HAUS3: variants seen among roughly 807,000 people sequenced by gnomAD.
HAUS3 encodes the protein HAUS augmin-like complex subunit 3.
HAUS3 carries 36 observed loss-of-function variants against 55.2 expected under a neutral mutation model. The observed-to-expected ratio is 0.65, with a 90% CI of 0.50 to 0.86. The LOEUF (loss-of-function observed/expected upper bound fraction) is 0.86. Among genes scored for constraint, HAUS3 ranks in the 40% least tolerant of loss-of-function variants. The pLI, the probability that HAUS3 is intolerant of heterozygous loss-of-function variation, is 0.00. For missense variants in HAUS3, 752 were observed against 671.5 expected, an observed-to-expected ratio of 1.12 and a Z score of -1.33; for synonymous variants, 234 against 238.6, an observed-to-expected ratio of 0.98 and a Z score of 0.18.
In HAUS3 at chr4:2,229,060, A is replaced by C; in HGVS notation, c.*2867T>G. 6.5e-7 allele frequency: 1 copy of C among 1,537,120 alleles called. No homozygotes were observed. The highest frequency in any genetic ancestry group is 8.9e-7 in the Non-Finnish European group (1 of 1,125,418). On this transcript the variant is annotated 3_prime_UTR_variant, in exon 6 of 6. Coordinates refer to ENST00000443786, the MANE Select transcript of HAUS3 (RefSeq NM_001303143.2). ...TAGTCTTTAGAACAATTAACATTCA[A>C]AGTATCAAGAGAAAGAAAGGTTCAT... is the stretch of plus-strand genomic sequence containing the variant.
chr4:2,237,661 T>C (rs1484978777), intron 4 of HAUS3, among the ~76,000 whole-genome samples: 1 of 152,202 alleles, frequency 6.6e-6, no homozygotes. Flanking sequence ...TCTTAACTAC[T>C]ACACATCTTA....
At position 2,229,309 on chromosome 4, in the gene HAUS3, C is replaced by T; in HGVS notation, c.*2618G>A. 1 of 1,268,672 alleles carries T rather than the reference C, an allele frequency of 7.9e-7. No individual in the cohort carries two copies. The highest frequency in any genetic ancestry group is 1.1e-6 in the Non-Finnish European group (1 of 940,932). The allele number at this position is 1,268,672 out of a possible 1,614,324, so 78.6% of individuals were successfully genotyped here. ...TCCTAAGACTATAAAACAGGAAATA[C>T]AATTATTTTCAAAAATTTATATACC... On this transcript the variant is annotated 3_prime_UTR_variant, in exon 6 of 6. Transcript: ENST00000443786.
In HAUS3 at chr4:2,242,073, T is replaced by C. The variant is rs1577807733; in HGVS notation, c.-441A>G. ...CACCTCAGGAAGTTCCGCTTGCTTC[T>C]CGCAGGAGCCCGCCGCCACCGCCCT... On this transcript the variant is annotated 5_prime_UTR_variant, in exon 1 of 6. Coordinates refer to ENST00000443786, the MANE Select transcript of HAUS3 (RefSeq NM_001303143.2). 1.0e-6 allele frequency: 1 copy of C among 985,760 alleles called. No individual in the cohort carries two copies. The highest frequency in any genetic ancestry group is 4.7e-5 in the South Asian group (1 of 21,332). The allele number at this position is 985,760 out of a possible 1,614,324, so 61.1% of individuals were successfully genotyped here.
Position 2,229,043 on chromosome 4 carries a change from A to G in HAUS3, c.*2884T>C. ...ATTCCATTTTCAATTCTTAGTCTTT[A>G]GAACAATTAACATTCAAAGTATCAA... On this transcript the variant is annotated 3_prime_UTR_variant, in exon 6 of 6. Coordinates refer to ENST00000443786, the MANE Select transcript of HAUS3 (RefSeq NM_001303143.2). 6.7e-7 allele frequency: 1 copy of G among 1,494,234 alleles called. No homozygotes were observed. The highest frequency in any genetic ancestry group is 2.3e-5 in the East Asian group (1 of 43,728). 92.6% of individuals were successfully genotyped at this position (1,494,234 alleles called of 1,614,324 possible).
intron 1 of HAUS3, 124 bp from the exon 2 acceptor site, chr4:2,241,914 C>T (rs754958122): frequency 4.1e-6 from 4 of 985,390 alleles, no homozygotes; most frequent in Non-Finnish European, 4.8e-6. Flanking sequence ...CCCTGATCCC[C>T]GGGCAGCTGC....
rs1047890246 is a variant in HAUS3 at position 2,231,867 on chromosome 4, TAC to T, written c.*58_*59del. 5 of 747,228 alleles carry T rather than the reference TAC, an allele frequency of 6.7e-6. No homozygotes were observed. The highest frequency in any genetic ancestry group is 3.6e-5 in the African/African-American group (2 of 54,804). 46.3% of individuals were successfully genotyped at this position (747,228 alleles called of 1,614,324 possible). The stretch of plus-strand genomic sequence containing the variant: ...TTTAAAAATTTAGTAGTGTTTATTA[TAC>T]ACAGTCTTCTAATAAATAAAAGAGG... On this transcript the variant is annotated 3_prime_UTR_variant, in exon 6 of 6. Coordinates refer to ENST00000443786, the MANE Select transcript of HAUS3 (RefSeq NM_001303143.2).
intron 1 of HAUS3, 32 bp downstream of exon 1, chr4:2,242,019 C>T: frequency 1.0e-6 from 1 of 985,642 alleles, no homozygotes; most frequent in Non-Finnish European, 1.2e-6. Context: ...CCCCACACCC[C>T]TGCGCCCAGA....
Position 2,229,205 on chromosome 4 carries a change from G to A in HAUS3, c.*2722C>T. The stretch of plus-strand genomic sequence containing the variant: ...AGAGCGGTGTATTACAGAGATCAAA[G>A]CCTACCAATGCCTCATAATTTTCCA... On this transcript the variant is annotated 3_prime_UTR_variant, in exon 6 of 6. Transcript: ENST00000443786. The A allele has an allele frequency of 6.2e-7, 1 of 1,602,386 alleles. No individual in the cohort carries two copies. Among genetic ancestry groups the A allele is most frequent in the African/African-American group, 1.3e-5 (1 of 74,430 alleles).
At chr4:2,238,012 A>T (rs1219443899) in intron 4 of HAUS3, among the ~76,000 whole-genome samples, 5 of 152,194 alleles carry the variant, frequency 3.3e-5, no homozygotes, top group African/African-American at 1.2e-4. Flanking sequence ...TTTATTAATA[A>T]GAAAACAAAA....
chr4:2,236,581 G>C (rs1051492329), intron 4 of HAUS3, 125 bp from the exon 5 acceptor site: 2 of 673,052 alleles, frequency 3.0e-6, no homozygotes, highest in South Asian at 3.7e-5. Context: ...AATATTGGCC[G>C]GGTACAGTAG....
chr4:2,240,926 AAACTCATTTCCAC>A lies in HAUS3; in HGVS notation c.8_20del (p.Cys3LeufsTer5). 6.3e-7 allele frequency: 1 copy of A among 1,598,366 alleles called. No individual in the cohort carries two copies. Among genetic ancestry groups the A allele is most frequent in the Non-Finnish European group, 8.5e-7 (1 of 1,178,758 alleles). ...AACCAATTTTTTTTAATGTTTCCAC[AAACTCATTTCCAC>A]AACTCATGGTTTTAACTACCCCAAT... On this transcript the variant is annotated frameshift_variant, in exon 3 of 6. Transcript: ENST00000443786. LOFTEE classifies it high-confidence loss of function.
Position 2,241,806 on chromosome 4 carries a change from C to A in HAUS3, c.-418-16G>T, listed in dbSNP as rs1379759825. The A allele has an allele frequency of 9.1e-6, 9 of 985,376 alleles. No homozygotes were observed. The highest frequency in any genetic ancestry group is 8.4e-6 in the Non-Finnish European group (7 of 829,970). 61.0% of individuals were successfully genotyped at this position (985,376 alleles called of 1,614,324 possible). ...CCTAAGCACGCTGACAAAACAAACG[C>A]ACAAGCCCACCGAATCGCCGTCGAC... On this transcript the variant is annotated splice_polypyrimidine_tract_variant and intron_variant, in intron 1 of 5. Transcript: ENST00000443786.
At position 2,238,796 on chromosome 4, in the gene HAUS3, A is replaced by T; in HGVS notation, c.1157T>A (p.Leu386His). The T allele has an allele frequency of 6.2e-7, 1 of 1,613,426 alleles. No homozygotes were observed. The highest frequency in any genetic ancestry group is 1.1e-5 in the South Asian group (1 of 91,074). The change falls in exon 4 of 6, where the codon CTT becomes CAT. Residue 386 changes from leucine (L) to histidine (H), a missense_variant. Coordinates refer to ENST00000443786, the MANE Select transcript of HAUS3 (RefSeq NM_001303143.2). ...QLIKQKASFE[L>H]LQLSYEIELR... ...TTCAATTTCATATGATAACTGTAGA[A>T]GTTCAAATGATGCCTTTTGTTTTAT... is the stretch of plus-strand genomic sequence containing the variant.
chr4:2,238,840 C>T lies in HAUS3; in HGVS notation c.1113G>A (p.Glu371=), dbSNP rs773877065. 7.4e-6 allele frequency: 12 copies of T among 1,613,076 alleles called. No homozygotes were observed. The South Asian group carries it at 1.1e-4, about 15-fold the overall frequency. Residue 371 remains glutamate (E), a synonymous_variant, in exon 4 of 6, where the codon GAG becomes GAA. Transcript: ENST00000443786. ...GTTTTATTAATTGATTTAAAACTAA[C>T]TCTTGTCTTGCTGTATAATAATCTT... The part of the protein sequence containing the change: ...AKQDYYTARQ[E]LVLNQLIKQK...
chr4:2,240,503 C>T lies in HAUS3; in HGVS notation c.444G>A (p.Leu148=), dbSNP rs1577805036. 1 of 1,613,934 alleles carries T rather than the reference C, an allele frequency of 6.2e-7. No individual in the cohort carries two copies. Among genetic ancestry groups the T allele is most frequent in the East Asian group, 2.2e-5 (1 of 44,870 alleles). The change falls in exon 3 of 6, where the codon CTG becomes CTA. Residue 148 remains leucine, a synonymous_variant. Transcript: ENST00000443786. ...CATTTAGAATTCCTTGACTCTGCTT[C>T]AGCTTTTTAGTGGCTTCTTCTTCTT... ...NAKEEEATKK[L]KQSQGILNAM...
Position 2,240,669 on chromosome 4 carries a change from C to T in HAUS3, c.278G>A (p.Arg93Lys), listed in dbSNP as rs1734950611. The T allele has an allele frequency of 3.7e-6, 6 of 1,614,028 alleles. No homozygotes were observed. Among genetic ancestry groups the T allele is most frequent in the Non-Finnish European group, 5.1e-6 (6 of 1,179,994 alleles). Residue 93 changes from arginine (R) to lysine (K), a missense_variant, in exon 3 of 6, where the codon AGA becomes AAA. Transcript: ENST00000443786. ...TCKTSDLKTP[R>K]LDDKELEKLE... ...TTTCTCCAGCTCTTTATCATCCAGTCTAGGTGTCTTCAAATCAGAAGTTTT... is the reference window on the plus strand; with the variant it reads ...TTTCTCCAGCTCTTTATCATCCAGTTTAGGTGTCTTCAAATCAGAAGTTTT...
chr4:2,235,102 T>C (rs1354697032), intron 5 of HAUS3, among the ~76,000 whole-genome samples: 2 of 152,184 alleles, frequency 1.3e-5, no homozygotes, highest in Non-Finnish European at 2.9e-5. Flanking sequence ...GCCAGGCTGG[T>C]CTTGAACTCC....
rs1430216825 is a variant in HAUS3, at chr4:2,229,330, A to G, written c.*2597T>C. On this transcript the variant is annotated 3_prime_UTR_variant, in exon 6 of 6. Transcript: ENST00000443786. ...AATACAATTATTTTCAAAAATTTAT[A>G]TACCAACTTTCATTTAAAATGTCTA... 2 of 1,052,692 alleles carry G rather than the reference A, an allele frequency of 1.9e-6. No individual in the cohort carries two copies. Among genetic ancestry groups the G allele is most frequent in the Non-Finnish European group, 2.6e-6 (2 of 754,878 alleles). The allele number at this position is 1,052,692 out of a possible 1,614,324, so 65.2% of individuals were successfully genotyped here. A position where few individuals can be genotyped will look rare whatever the true frequency, so the allele number is the denominator to read the frequency against.
At chr4:2,241,194 A>C (rs7694049) in intron 2 of HAUS3, 101 bp from the exon 3 acceptor site, 73,946 of 393,148 alleles carry the variant, frequency 0.19, 11,555 homozygotes, top group African/African-American at 0.54. Context: ...AGCGGGATAA[A>C]TGACAGGTAG....
Sources: allele counts gnomAD v4.1 joint callset (sites outside exome capture counted in the v4.1 genomes callset), GRCh38; gene constraint gnomAD v4.1.1; transcripts MANE v1.5; gene names NCBI Gene and HGNC (gene_info 2026-07-23, HGNC 2026-07-21).